IL12RB1: variants seen among roughly 807,000 people sequenced by gnomAD.
IL12RB1 encodes the protein interleukin 12 receptor subunit beta 1.
A neutral mutation model predicts 94.4 loss-of-function variants in IL12RB1; 64 were observed. The observed-to-expected ratio is 0.68, with a 90% CI of 0.55 to 0.83. The LOEUF (loss-of-function observed/expected upper bound fraction) is 0.83, where lower values mean the gene tolerates loss of function less well. Ranked by LOEUF, IL12RB1 falls within the 40% of genes least tolerant of loss-of-function variation. The pLI, the probability that IL12RB1 is intolerant of heterozygous loss-of-function variation, is 0.00. For missense variants in IL12RB1, 814 were observed against 855.6 expected (o/e 0.95, Z 0.61); for synonymous variants, 362 against 355.5 (o/e 1.02, Z -0.21).
chr19:18,067,953 C>CCCAAAGTG (rs1350897789), intron 11 of IL12RB1, among the ~76,000 whole-genome samples: 2 of 151,892 alleles, frequency 1.3e-5, no homozygotes, highest in Non-Finnish European at 2.9e-5. Context: ...GCCTCAGCCT[C>CCCAAAGTG]CCAAAGTGCC....
At chr19:18,064,065 A>C in intron 12 of IL12RB1, 55 bp from the exon 13 acceptor site, 1 of 1,369,438 alleles carries the variant, frequency 7.3e-7, no homozygotes. Context: ...CTCAGAGGCC[A>C]GGCTGGGCTA....
intron 1 of IL12RB1, among the ~76,000 whole-genome samples, chr19:18,092,895 T>C (rs1483756030): frequency 1.3e-5 from 2 of 152,216 alleles, no homozygotes; most frequent in South Asian, 4.1e-4. Flanking sequence ...TATAGAGACA[T>C]GTGAGGAGAG....
Position 18,077,499 on chromosome 19 carries a change from T to C in IL12RB1, c.549+17A>G. 6.2e-7 allele frequency: 1 copy of C among 1,600,982 alleles called. No homozygotes were observed. Among genetic ancestry groups the C allele is most frequent in the Non-Finnish European group, 8.5e-7 (1 of 1,172,126 alleles). On this transcript the variant is annotated intron_variant, in intron 5 of 16. Transcript: ENST00000593993. ...GGAGAGGCCCGTGTCCACCCTGGACTTGGGAAACAAACTCACCAACTTCCA... is the reference window on the plus strand; with the variant it reads ...GGAGAGGCCCGTGTCCACCCTGGACCTGGGAAACAAACTCACCAACTTCCA...
intron 1 of IL12RB1, among the ~76,000 whole-genome samples, chr19:18,096,795 T>C (rs1019185328): frequency 1.3e-5 from 2 of 151,306 alleles, no homozygotes; most frequent in Non-Finnish European, 2.9e-5. Context: ...TGCCACTGCA[T>C]TCTAGTCTGG....
At chr19:18,091,132 G>A (rs1199899049), upstream of IL12RB1, among the ~76,000 whole-genome samples, 1 of 152,150 alleles carries the variant, frequency 6.6e-6, no homozygotes, top group Admixed American at 6.5e-5. Context: ...GGGTACCCCA[G>A]ACAAAGGTGA....
intron 7 of IL12RB1, among the ~76,000 whole-genome samples, chr19:18,075,055 A>T (rs2035356217): frequency 6.6e-6 from 1 of 151,340 alleles, no homozygotes; most frequent in Non-Finnish European, 1.5e-5. Flanking sequence ...CCGTCTCAAA[A>T]AAAAAAACAA....
chr19:18,068,787 C>T (rs1190650094), intron 10 of IL12RB1, among the ~76,000 whole-genome samples: 1 of 140,762 alleles, frequency 7.1e-6, no homozygotes, highest in African/African-American at 2.6e-5. Context: ...CTCGCTGTGT[C>T]ACCCAGGCTG....
Position 18,093,010 on chromosome 19 carries a change from T to C in IL12RB1, c.-229-2241A>G, listed in dbSNP as rs80102829. 3.9e-5 allele frequency among the ~76,000 whole-genome samples: 6 copies of C among 151,994 alleles called. No homozygotes were observed. In the East Asian group the frequency reaches 9.7e-4, roughly 25 times the overall value. ...AGAATTTGAAGTGGATTTTGAAGAA[T>C]ATATAGATGTTAGGCCGGGCACAGT... On this transcript the variant is annotated intron_variant, in intron 1 of 4. Coordinates refer to the IL12RB1 transcript ENST00000594176.
chr19:18,081,086 G>GT, intron 3 of IL12RB1, 85 bp from the exon 4 acceptor site: 4 of 1,245,134 alleles, frequency 3.2e-6, no homozygotes, highest in Admixed American at 4.1e-5. Flanking sequence ...TCCCAGCATC[G>GT]TTTTTTTGGT....
Position 18,072,362 on chromosome 19 carries a change from T to G in IL12RB1, c.784-13A>C, listed in dbSNP as rs916745807. 6.4e-7 allele frequency: 1 copy of G among 1,559,492 alleles called. No homozygotes were observed. The highest frequency in any genetic ancestry group is 1.4e-5 in the African/African-American group (1 of 73,874). On this transcript the variant is annotated splice_polypyrimidine_tract_variant and intron_variant, in intron 8 of 16. Coordinates refer to ENST00000593993, the MANE Select transcript of IL12RB1 (RefSeq NM_005535.3). ...CCAGCTGGGTTGGCTGTCAGGAGTA[T>G]GAAAGACAGCTTGTGGGTACCTGAT...
At position 18,082,200 on chromosome 19, in the gene IL12RB1, G is replaced by T; in HGVS notation, c.189C>A (p.Ser63=). ...YRISSDRYEC[S]WQYEGPTAGV... ...CAGCTGTGGGACCCTCATACTGCCA[G>T]GAGCACTCGTAACGATCACTGGATA... Residue 63 remains serine (S), a synonymous_variant, in exon 3 of 17, where the codon TCC becomes TCA. Transcript: ENST00000593993. 1 of 1,613,966 alleles carries T rather than the reference G, an allele frequency of 6.2e-7. No homozygotes were observed. The highest frequency in any genetic ancestry group is 1.1e-5 in the South Asian group (1 of 91,060).
intron 1 of IL12RB1, among the ~76,000 whole-genome samples, chr19:18,083,743 C>CTCAT (rs2036084832): frequency 6.8e-6 from 1 of 147,972 alleles, no homozygotes; most frequent in African/African-American, 2.5e-5. Context: ...CATCCATTCA[C>CTCAT]CCATCCATCC....
intron 4 of IL12RB1, 90 bp downstream of exon 4, chr19:18,080,742 C>T: frequency 1.1e-6 from 1 of 885,556 alleles, no homozygotes; most frequent in South Asian, 1.3e-5. Context: ...AAGTCCCTTG[C>T]CAAGGGCCAG....
rs560093430 is a variant in IL12RB1, at chr19:18,064,093, G to A, written c.1484-83C>T. The A allele has an allele frequency of 1.5e-4, 135 of 904,260 alleles. 3 individuals carry two copies. In the South Asian group the frequency reaches 1.8e-3, roughly 12 times the overall value. The allele number at this position is 904,260 out of a possible 1,614,324, so 56.0% of individuals were successfully genotyped here. ...CTGGGCTACCACAGCCTGTGGGTGG[G>A]GTGGGGATTCATAGGCATTTTGCTA... On this transcript the variant is annotated intron_variant, in intron 12 of 16. Transcript: ENST00000593993.
intron 2 of IL12RB1, 105 bp downstream of exon 2, chr19:18,083,327 C>A: frequency 9.4e-7 from 1 of 1,062,394 alleles, no homozygotes; most frequent in South Asian, 1.2e-5. Context: ...ACAGGCAGGG[C>A]TGGGTCTTTG....
chr19:18,073,366 T>C (rs967843155), intron 8 of IL12RB1, 151 bp downstream of exon 8: 7 of 677,588 alleles, frequency 1.0e-5, no homozygotes, highest in Non-Finnish European at 1.6e-5. Context: ...TGGCTCCCTA[T>C]TACCTTCAGA....
intron 7 of IL12RB1, among the ~76,000 whole-genome samples, chr19:18,075,252 C>CATT (rs533842200): frequency 1.5e-5 from 2 of 132,972 alleles, no homozygotes; most frequent in African/African-American, 2.7e-5. Context: ...TTTATTATTA[C>CATT]TTTTTTTTTT....
At chr19:18,066,769 G>A in intron 11 of IL12RB1, 72 bp from the exon 12 acceptor site, 1 of 1,238,032 alleles carries the variant, frequency 8.1e-7, no homozygotes, top group Non-Finnish European at 1.2e-6. Context: ...GCTCGCACCT[G>A]TAATCCCAGC....
At chr19:18,098,092 G>GC (rs1341376986) in intron 1 of IL12RB1, among the ~76,000 whole-genome samples, 2 of 152,144 alleles carry the variant, frequency 1.3e-5, no homozygotes, top group Non-Finnish European at 2.9e-5. Flanking sequence ...TGAGGGCTCT[G>GC]CCCCTCCCCA....
Sources: gnomAD v4.1 joint callset for allele counts (sites outside exome capture counted in the v4.1 genomes callset) on GRCh38, gnomAD v4.1.1 for gene constraint, MANE v1.5 for transcripts, NCBI Gene and HGNC (gene_info 2026-07-23, HGNC 2026-07-21) for gene names.